CRYGN: variants seen among roughly 807,000 people sequenced by gnomAD.
CRYGN encodes gamma-crystallin N.
CRYGN carries 17 observed loss-of-function variants against 19.2 expected under a neutral mutation model. The observed-to-expected ratio is 0.89, with a 90% CI of 0.61 to 1.33. The LOEUF is 1.33. Among genes scored for constraint, CRYGN ranks in the 40% most tolerant of loss-of-function variants. The probability of loss-of-function intolerance (pLI) is 0.00; values close to 1 mark genes in which losing one functional copy is unlikely to be tolerated. For synonymous variants in CRYGN, 84 were observed against 85.8 expected (o/e 0.98, Z 0.12); for missense variants, 239 against 239.6 (o/e 1.00, Z 0.02).
chr7:151,437,855 G>A (rs1253808969), intron 2 of CRYGN, 141 bp downstream of exon 2: 2 of 1,520,628 alleles, frequency 1.3e-6, no homozygotes, highest in East Asian at 2.4e-5. Context: ...CCAGCAGGTG[G>A]CTCTGGGTAT....
Position 151,437,960 on chromosome 7 carries a change from A to G in CRYGN, c.270+36T>C, listed in dbSNP as rs57359940. Reference sequence around the variant, plus strand: ...AGGGCTGACCCTCGGTCCCTCCAGCAGGAAGACTCAGCCTTCGGTGGACGG... The same window carrying G: ...AGGGCTGACCCTCGGTCCCTCCAGCGGGAAGACTCAGCCTTCGGTGGACGG... On this transcript the variant is annotated intron_variant, in intron 2 of 3. Coordinates refer to ENST00000337323, the MANE Select transcript of CRYGN (RefSeq NM_144727.3). The G allele has an allele frequency of 4.7e-4, 759 of 1,608,404 alleles. 5 individuals are homozygous for G. The African/African-American group carries it at 8.9e-3, about 19-fold the overall frequency.
intron 2 of CRYGN, 42 bp downstream of exon 2, chr7:151,437,954 T>C (rs1801659095): frequency 6.2e-7 from 1 of 1,606,996 alleles, no homozygotes; most frequent in Admixed American, 1.7e-5. Context: ...CCTCGGTCCC[T>C]CCAGCAGGAA....
In CRYGN at chr7:151,428,859, C is replaced by T. The variant is rs1034985277; in HGVS notation, c.*1189G>A. 1.3e-5 allele frequency: 2 copies of T among 152,254 alleles called. No individual in the cohort carries two copies. The highest frequency in any genetic ancestry group is 4.8e-5 in the African/African-American group (2 of 41,428). The allele number at this position is 152,254 out of a possible 1,614,324, so 9.4% of individuals were successfully genotyped here. On this transcript the variant is annotated 3_prime_UTR_variant, in exon 4 of 4. Transcript: ENST00000337323. ...CTTTGGTGGGAATCTTGTTTTTCCTCTTTCAGACAAAAAGCAGATTTGCTG... is the reference window on the plus strand; with the variant it reads ...CTTTGGTGGGAATCTTGTTTTTCCTTTTTCAGACAAAAAGCAGATTTGCTG...
In CRYGN at chr7:151,438,015, G is replaced by A; in HGVS notation, c.251C>T (p.Ser84Phe). 6.2e-7 allele frequency: 1 copy of A among 1,613,644 alleles called. No individual in the cohort carries two copies. Among genetic ancestry groups the A allele is most frequent in the South Asian group, 1.1e-5 (1 of 91,076 alleles). Residue 84 changes from serine to phenylalanine, a missense_variant, in exon 2 of 4, where the codon TCC (serine) becomes TTC (phenylalanine). Ser to Phe is a radical substitution (Grantham distance 155, BLOSUM62 -2). Transcript: ENST00000337323. ...ACTCACCATTCCTACAGGCCGACAG[G>A]AGCCCATGTGGTCACTGTGGCTGTT... ...RWNSHSDHMG[S>F]CRPVGMHGEH...
chr7:151,438,187 A>T lies in CRYGN; in HGVS notation c.79T>A (p.Cys27Ser), dbSNP rs1220447716. The T allele has an allele frequency of 6.2e-7, 1 of 1,614,146 alleles. No homozygotes were observed. Among genetic ancestry groups the T allele is most frequent in the South Asian group, 1.1e-5 (1 of 91,086 alleles). ...TGQKLEVFGD[C>S]DNFQDRGFMN... is the part of the protein sequence containing the mutation. ...AAGCCCCGGTCCTGGAAGTTGTCACAGTCCCCGAAGACCTCCAGCTTCTGC... is the reference window on the plus strand; with the variant it reads ...AAGCCCCGGTCCTGGAAGTTGTCACTGTCCCCGAAGACCTCCAGCTTCTGC... The change falls in exon 2 of 4, where the codon TGT becomes AGT. Residue 27 changes from cysteine (C) to serine (S), a missense_variant. By Grantham distance (112) the Cys-to-Ser change is moderately radical (BLOSUM62 -1). Coordinates refer to ENST00000337323, the MANE Select transcript of CRYGN (RefSeq NM_144727.3).
At chr7:151,437,181 GA>G (rs1801632250) in intron 2 of CRYGN, among the ~76,000 whole-genome samples, 1 of 152,214 alleles carries the variant, frequency 6.6e-6, no homozygotes, top group South Asian at 2.1e-4. Flanking sequence ...ACAGAAAAGA[GA>G]GGGGGCACCA....
chr7:151,438,024 T>G lies in CRYGN; in HGVS notation c.242A>C (p.His81Pro), dbSNP rs1162863979. Residue 81 changes from histidine to proline, a missense_variant, in exon 2 of 4, where the codon CAC becomes CCC. Transcript: ENST00000337323. ...DFFRWNSHSD[H>P]MGSCRPVGMH... Reference sequence around the variant, plus strand: ...TCCTACAGGCCGACAGGAGCCCATGTGGTCACTGTGGCTGTTCCAGCGGAA... The same window carrying G: ...TCCTACAGGCCGACAGGAGCCCATGGGGTCACTGTGGCTGTTCCAGCGGAA... The G allele has an allele frequency of 6.2e-7, 1 of 1,613,754 alleles. No individual in the cohort carries two copies. Among genetic ancestry groups the G allele is most frequent in the Non-Finnish European group, 8.5e-7 (1 of 1,180,044 alleles).
Position 151,439,967 on chromosome 7 carries a change from T to C in CRYGN, c.-50A>G. ...TCCCCGTTTACACCGGGCAGCGCCC[T>C]GCTGGCTCAGCGCCGCCCCGGACAA... On this transcript the variant is annotated 5_prime_UTR_variant, in exon 1 of 4. Coordinates refer to ENST00000337323, the MANE Select transcript of CRYGN (RefSeq NM_144727.3). 6.0e-6 allele frequency: 9 copies of C among 1,490,758 alleles called. No individual in the cohort carries two copies. Among genetic ancestry groups the C allele is most frequent in the Non-Finnish European group, 8.0e-6 (9 of 1,118,758 alleles). 92.3% of individuals were successfully genotyped at this position (1,490,758 alleles called of 1,614,324 possible).
chr7:151,440,226 G>A (rs570791872), upstream of CRYGN: 2 of 628,390 alleles, frequency 3.2e-6, no homozygotes, highest in Non-Finnish European at 4.8e-6. Context: ...GGGGGAGGAG[G>A]GGAGGTGTCT....
chr7:151,430,158 C>T lies in CRYGN; in HGVS notation c.439G>A (p.Gly147Arg), dbSNP rs536032923. 100 of 1,614,000 alleles carry T rather than the reference C, an allele frequency of 6.2e-5. 2 individuals carry two copies. Among genetic ancestry groups the T allele is most frequent in the South Asian group, 5.6e-4 (51 of 91,076 alleles). ...DGAAWSPRSFGAEDFQLSSSL... is the reference protein window; with the variant it reads ...DGAAWSPRSFRAEDFQLSSSL... Reference sequence around the variant, plus strand: ...CTGCTCAGCTGGAAGTCCTCAGCTCCGAAGCTTCTAGGGCTCCATGCTCTG... The same window carrying T: ...CTGCTCAGCTGGAAGTCCTCAGCTCTGAAGCTTCTAGGGCTCCATGCTCTG... Residue 147 changes from glycine to arginine, a missense_variant, in exon 4 of 4, where the codon GGA (glycine) becomes AGA (arginine). Coordinates refer to ENST00000337323, the MANE Select transcript of CRYGN (RefSeq NM_144727.3). The surrounding 1 kb of genome is among the most constrained non-coding windows in gnomAD (Gnocchi z 5.2).
intron 3 of CRYGN, chr7:151,432,427 GGTGCCTTCCCCA>G (rs903887623): frequency 2.4e-6 from 1 of 418,522 alleles, no homozygotes; most frequent in African/African-American, 2.0e-5. Context: ...AGGCACCCAC[GGTGCCTTCCCCA>G]GTGCCCTGTG....
At chr7:151,440,294 C>G (rs913995664), upstream of CRYGN, 4 of 324,436 alleles carry the variant, frequency 1.2e-5, no homozygotes, top group African/African-American at 6.4e-5. Context: ...CGCCCATCTC[C>G]CTCCCTCCCA....
Position 151,431,998 on chromosome 7 carries a change from G to A in CRYGN, c.417-1818C>T, listed in dbSNP as rs1376036471. 1 of 395,630 alleles carries A rather than the reference G, an allele frequency of 2.5e-6. No homozygotes were observed. Among genetic ancestry groups the A allele is most frequent in the Admixed American group, 4.5e-5 (1 of 22,278 alleles). The allele number at this position is 395,630 out of a possible 1,614,324, so 24.5% of individuals were successfully genotyped here. Reference sequence around the variant, plus strand: ...GCCCTGGATCATCCAGCTCCTCCCAGGGCTGGGATGCCCACTGCCGAGAGA... The same window carrying A: ...GCCCTGGATCATCCAGCTCCTCCCAAGGCTGGGATGCCCACTGCCGAGAGA... On this transcript the variant is annotated intron_variant, in intron 3 of 3. Coordinates refer to ENST00000337323, the MANE Select transcript of CRYGN (RefSeq NM_144727.3). This position sits in a 1 kb window ranked among gnomAD's most constrained non-coding sequence, Gnocchi z 4.8.
rs753008298 is a variant in CRYGN at position 151,436,220 on chromosome 7, T to C, written c.376A>G (p.Lys126Glu). The C allele has an allele frequency of 7.5e-6, 12 of 1,593,022 alleles. No individual in the cohort carries two copies. Among genetic ancestry groups the C allele is most frequent in the Non-Finnish European group, 8.6e-6 (10 of 1,169,164 alleles). The change falls in exon 3 of 4, where the codon AAG (lysine) becomes GAG (glutamate). Residue 126 changes from lysine (K) to glutamate (E), a missense_variant. Coordinates refer to ENST00000337323, the MANE Select transcript of CRYGN (RefSeq NM_144727.3). This position sits in a 1 kb window ranked among gnomAD's most constrained non-coding sequence, Gnocchi z 5.1. ...ACCTTGATGGTGTTCACACAGTTCT[T>C]GACCCAGCCCCTGCTCTGGAGGAAG... ...SPFLQSRGWV[K>E]NCVNTIKVYG... is the part of the protein sequence containing the mutation.
intron 3 of CRYGN, chr7:151,432,083 G>C (rs1005302475): frequency 1.3e-6 from 1 of 748,700 alleles, no homozygotes; most frequent in Non-Finnish European, 1.8e-6. Context: ...CCGAGGTCTG[G>C]GTGGGACCGC....
At chr7:151,437,742 T>C in intron 2 of CRYGN, 1 of 1,156,560 alleles carries the variant, frequency 8.6e-7, no homozygotes, top group African/African-American at 1.6e-5. Context: ...CAGCTAGATT[T>C]TTGGCTCCGA....
intron 1 of CRYGN, among the ~76,000 whole-genome samples, 193 bp from the exon 2 acceptor site, chr7:151,438,437 G>A (rs1343176057): frequency 2.0e-5 from 3 of 152,232 alleles, no homozygotes; most frequent in Admixed American, 2.0e-4. Context: ...GCAGGCTGAT[G>A]CCATACACAG....
rs757707983 is a variant in CRYGN at position 151,436,239 on chromosome 7, G to A, written c.357C>T (p.Leu119=). 1 of 1,598,182 alleles carries A rather than the reference G, an allele frequency of 6.3e-7. No homozygotes were observed. Among genetic ancestry groups the A allele is most frequent in the South Asian group, 1.1e-5 (1 of 88,242 alleles). ...CLEFLEDSPF[L]QSRGWVKNCV... Reference sequence around the variant, plus strand: ...AGTTCTTGACCCAGCCCCTGCTCTGGAGGAAGGGGCTGTCCTCCAGGAACT... The same window carrying A: ...AGTTCTTGACCCAGCCCCTGCTCTGAAGGAAGGGGCTGTCCTCCAGGAACT... The change falls in exon 3 of 4, where the codon CTC becomes CTT. Residue 119 remains leucine, a synonymous_variant. Coordinates refer to ENST00000337323, the MANE Select transcript of CRYGN (RefSeq NM_144727.3). This position sits in a 1 kb window ranked among gnomAD's most constrained non-coding sequence, Gnocchi z 5.1.
Position 151,430,172 on chromosome 7 carries a change from C to T in CRYGN, c.425G>A (p.Ser142Asn), listed in dbSNP as rs1438039651. 1.2e-6 allele frequency: 2 copies of T among 1,613,792 alleles called. No individual in the cohort carries two copies. Among genetic ancestry groups the T allele is most frequent in the Non-Finnish European group, 1.7e-6 (2 of 1,180,004 alleles). Residue 142 changes from serine (S) to asparagine (N), a missense_variant, in exon 4 of 4, where the codon AGC becomes AAC. By Grantham distance (46) the Ser-to-Asn change is conservative. Coordinates refer to ENST00000337323, the MANE Select transcript of CRYGN (RefSeq NM_144727.3). The surrounding 1 kb of genome is among the most constrained non-coding windows in gnomAD (Gnocchi z 5.2). The stretch of plus-strand genomic sequence containing the variant: ...GTCCTCAGCTCCGAAGCTTCTAGGG[C>T]TCCATGCTCTGTGGTTTGCAGGTGA... ...IKVYGDGAAW[S>N]PRSFGAEDFQ...
Sources: allele counts gnomAD v4.1 joint callset (sites outside exome capture counted in the v4.1 genomes callset), GRCh38; gene constraint gnomAD v4.1.1; non-coding constraint Gnocchi (gnomAD v3.1); transcripts MANE v1.5; gene names NCBI Gene and HGNC (gene_info 2026-07-23, HGNC 2026-07-21).